UNC79: variants seen among roughly 807,000 people sequenced by gnomAD.
UNC79 encodes unc-79 subunit of NALCN channel complex.
In UNC79, 37 loss-of-function variants were observed where a neutral mutation model predicts 283.1. That is an observed-to-expected ratio of 0.13 (90% CI 0.10 to 0.17). The LOEUF (loss-of-function observed/expected upper bound fraction) is 0.17. Ranked by LOEUF, UNC79 falls within the 10% of genes least tolerant of loss-of-function variation. The pLI is 1.00. For missense variants in UNC79, 2,272 were observed against 3,211.1 expected (o/e 0.71, Z 7.07); for synonymous variants, 1,107 against 1,200.2 (o/e 0.92, Z 1.61).
intron 1 of UNC79, among the ~76,000 whole-genome samples, chr14:93,445,077 C>G (rs528532511): frequency 6.6e-6 from 1 of 152,090 alleles, no homozygotes; most frequent in South Asian, 2.1e-4. Context: ...ATTTGTTTTT[C>G]AAGTTTTATT....
chr14:93,393,138 A>C (rs2054917315), intron 1 of UNC79, among the ~76,000 whole-genome samples: 1 of 152,160 alleles, frequency 6.6e-6, no homozygotes, highest in Non-Finnish European at 1.5e-5. Context: ...TGAATAATTT[A>C]TCCTTTTAGC....
At chr14:93,700,907 G>GT (rs141999154) in intron 47 of UNC79, among the ~76,000 whole-genome samples, 2,639 of 152,160 alleles carry the variant, frequency 0.017, 78 homozygotes, top group African/African-American at 0.061. Flanking sequence ...TTTTCGGGTC[G>GT]TTTTTTCTCC....
chr14:93,560,694 G>T (rs890256033), intron 14 of UNC79, among the ~76,000 whole-genome samples: 15 of 152,146 alleles, frequency 9.9e-5, no homozygotes, highest in Non-Finnish European at 7.3e-5. Context: ...GTGTGCATGT[G>T]CCTGTCCAAT....
At chr14:93,338,325 G>A (rs948660696) in intron 1 of UNC79, among the ~76,000 whole-genome samples, 1 of 152,084 alleles carries the variant, frequency 6.6e-6, no homozygotes, top group African/African-American at 2.4e-5. Context: ...ATGTGACACT[G>A]CTTGCTCTCC....
At position 93,621,539 on chromosome 14, in the gene UNC79, G is replaced by A. The variant is rs1351171620; in HGVS notation, c.4388-82G>A. The stretch of plus-strand genomic sequence containing the variant: ...AGCTGGGATTGTGATGATGATTTAT[G>A]CCAATTGTATGCCCAAGGATGAGGG... On this transcript the variant is annotated intron_variant, in intron 29 of 48. Coordinates refer to ENST00000555664, the Ensembl canonical transcript of UNC79. This position sits in a 1 kb window ranked among gnomAD's most constrained non-coding sequence, Gnocchi z 4.8. 11 of 1,430,832 alleles carry A rather than the reference G, an allele frequency of 7.7e-6. No homozygotes were observed. In the East Asian group the frequency reaches 2.4e-4, roughly 31 times the overall value. The allele number at this position is 1,430,832 out of a possible 1,614,324, so 88.6% of individuals were successfully genotyped here.
chr14:93,599,321 A>T (rs2065318948), intron 24 of UNC79, among the ~76,000 whole-genome samples: 1 of 151,900 alleles, frequency 6.6e-6, no homozygotes, highest in African/African-American at 2.4e-5. Context: ...GAGGAAATTC[A>T]GCACTGATTT....
At chr14:93,477,492 G>A (rs1011002727) in intron 3 of UNC79, 66 bp from the exon 4 acceptor site, 2 of 1,337,636 alleles carry the variant, frequency 1.5e-6, no homozygotes, top group South Asian at 1.5e-5. Context: ...AGCTTAAAAT[G>A]TAAAGTTAGC....
chr14:93,703,526 AG>A (rs1293192255), intron 47 of UNC79, among the ~76,000 whole-genome samples: 4 of 152,180 alleles, frequency 2.6e-5, no homozygotes, highest in African/African-American at 9.7e-5. Context: ...ATATTGGATT[AG>A]GGGCTCACCC....
Position 93,467,653 on chromosome 14 carries a change from TTTTTTG to T in UNC79, c.23-17_23-12del. On this transcript the variant is annotated splice_polypyrimidine_tract_variant and intron_variant, in intron 1 of 48. Coordinates refer to ENST00000555664, the Ensembl canonical transcript of UNC79. ...CTTTTTTTTTTTTTTTTTTTTTTTT[TTTTTTG>T]CTTTTATCTAGTTGCTTCCAAGATC... The T allele has an allele frequency of 2.7e-6, 3 of 1,126,790 alleles. No homozygotes were observed. Among genetic ancestry groups the T allele is most frequent in the Non-Finnish European group, 3.2e-6 (3 of 927,944 alleles). The allele number at this position is 1,126,790 out of a possible 1,614,324, so 69.8% of individuals were successfully genotyped here.
At chr14:93,660,484 T>G (rs2071420328) in intron 39 of UNC79, among the ~76,000 whole-genome samples, 1 of 143,232 alleles carries the variant, frequency 7.0e-6, no homozygotes. Context: ...GACATTCCTA[T>G]TCCTTTCATC....
At chr14:93,596,988 G>A (rs1423297097) in intron 23 of UNC79, among the ~76,000 whole-genome samples, 1 of 152,180 alleles carries the variant, frequency 6.6e-6, no homozygotes, top group East Asian at 1.9e-4. Context: ...TCTGTTATCT[G>A]CAGAGCTTCT....
At chr14:93,643,761 A>G (rs962294098) in intron 34 of UNC79, 64 bp downstream of exon 37, 1 of 1,575,646 alleles carries the variant, frequency 6.3e-7, no homozygotes, top group Non-Finnish European at 8.6e-7. Flanking sequence ...TCTTGAACTA[A>G]AAACTACCAG....
chr14:93,637,962 A>G lies in UNC79; in HGVS notation c.5800+663A>G, dbSNP rs577080117. ...GTTTCTTTCCAGCTCTCTGAAGTAT[A>G]CATTGAAAAGATTCACTTGAATTGA... is the stretch of plus-strand genomic sequence containing the variant. On this transcript the variant is annotated intron_variant, in intron 32 of 48. Transcript: ENST00000555664. Among the ~76,000 whole-genome samples, 15 of 152,364 alleles carry G rather than the reference A, an allele frequency of 9.8e-5. 1 individual carries two copies. In the South Asian group the frequency reaches 2.9e-3, roughly 29 times the overall value.
intron 4 of UNC79, among the ~76,000 whole-genome samples, chr14:93,487,063 A>G (rs555199518): frequency 6.6e-6 from 1 of 152,322 alleles, no homozygotes; most frequent in African/African-American, 2.4e-5. Context: ...GGTAATGAAG[A>G]CATTGATGAT....
intron 14 of UNC79, among the ~76,000 whole-genome samples, chr14:93,551,135 CG>C (rs535163747): frequency 6.6e-6 from 1 of 152,174 alleles, no homozygotes; most frequent in East Asian, 1.9e-4. Context: ...CTGCAAGCTC[CG>C]CCTCCCGGGT....
upstream of UNC79, among the ~76,000 whole-genome samples, chr14:93,427,233 C>T (rs1828413558): frequency 6.6e-6 from 1 of 152,066 alleles, no homozygotes; most frequent in Non-Finnish European, 1.5e-5. Context: ...GCTATAATTG[C>T]TTTTAACTAG....
chr14:93,516,447 T>A (rs2060058652), intron 7 of UNC79, among the ~76,000 whole-genome samples: 1 of 36,636 alleles, frequency 2.7e-5, no homozygotes, highest in Admixed American at 3.4e-4. Flanking sequence ...TGGATATTTT[T>A]TTTGGGGGGG....
Position 93,530,055 on chromosome 14 carries a change from G to C in UNC79, c.1093+729G>C, listed in dbSNP as rs79854793. Among the ~76,000 whole-genome samples the C allele has an allele frequency of 8.2e-3, 1,254 of 152,266 alleles. 16 individuals are homozygous for C. Among genetic ancestry groups the C allele is most frequent in the African/African-American group, 0.029 (1,199 of 41,536 alleles). ...ATACTAAGTTTGAGTAGAGATCGGGGCACAGGAAGAACTCGATGGTATATG... is the reference window on the plus strand; with the variant it reads ...ATACTAAGTTTGAGTAGAGATCGGGCCACAGGAAGAACTCGATGGTATATG... On this transcript the variant is annotated intron_variant, in intron 10 of 48. Transcript: ENST00000555664.
chr14:93,500,750 A>G (rs2059242193), intron 7 of UNC79, among the ~76,000 whole-genome samples: 1 of 152,208 alleles, frequency 6.6e-6, no homozygotes, highest in Non-Finnish European at 1.5e-5. Flanking sequence ...GCACAGATTG[A>G]ATTTGAGCCC....
Sources: allele counts gnomAD v4.1 joint callset (sites outside exome capture counted in the v4.1 genomes callset), GRCh38; gene constraint gnomAD v4.1.1; non-coding constraint Gnocchi (gnomAD v3.1); transcripts MANE v1.5; gene names NCBI Gene and HGNC (gene_info 2026-07-23, HGNC 2026-07-21).